P2RY12: variants seen among roughly 807,000 people sequenced by gnomAD.
P2RY12 encodes the protein purinergic receptor P2Y12.
P2RY12 carries 3 observed loss-of-function variants against 4.5 expected under a neutral mutation model. That is an observed-to-expected ratio of 0.67 (90% confidence interval 0.31 to 1.74). The LOEUF is 1.74. P2RY12 is among the 40% of genes most tolerant of loss of function. The pLI, the probability that P2RY12 is intolerant of heterozygous loss-of-function variation, is 0.09. For missense variants in P2RY12, 356 were observed against 407.8 expected (o/e 0.87, Z 1.09); for synonymous variants, 148 against 154.1 (o/e 0.96, Z 0.29).
At chr3:151,358,448 A>C (rs904545065) in intron 1 of P2RY12, among the ~76,000 whole-genome samples, 8 of 152,176 alleles carry the variant, frequency 5.3e-5, no homozygotes, top group Non-Finnish European at 1.0e-4. Flanking sequence ...GATTTTAATA[A>C]AAATCTTTCG....
At chr3:151,382,755 A>G (rs1712614135) in intron 1 of P2RY12, 22 of 1,598,032 alleles carry the variant, frequency 1.4e-5, no homozygotes, top group Non-Finnish European at 1.9e-5. Context: ...GGTAAGTGAC[A>G]TTTCTAGTAT....
chr3:151,362,993 T>G (rs1442616819), intron 1 of P2RY12, among the ~76,000 whole-genome samples: 2 of 152,166 alleles, frequency 1.3e-5, no homozygotes, highest in East Asian at 3.9e-4. Flanking sequence ...GTTTTTTTAA[T>G]AGTGAACTTC....
intron 1 of P2RY12, among the ~76,000 whole-genome samples, chr3:151,358,106 C>T (rs1276391541): frequency 6.6e-6 from 1 of 151,984 alleles, no homozygotes; most frequent in African/African-American, 2.4e-5. Context: ...TTTTATAGTA[C>T]CTTTTATTTT....
chr3:151,379,941 T>A (rs1157537265), intron 1 of P2RY12, among the ~76,000 whole-genome samples: 1 of 152,182 alleles, frequency 6.6e-6, no homozygotes, highest in African/African-American at 2.4e-5. Flanking sequence ...TTAGAAGCAT[T>A]ACAGTGGCTT....
intron 1 of P2RY12, chr3:151,360,384 A>G: frequency 8.4e-7 from 1 of 1,183,708 alleles, no homozygotes; most frequent in African/African-American, 1.5e-5. Flanking sequence ...TTCTTACCCA[A>G]GTGATACATA....
At chr3:151,357,139 G>A in intron 1 of P2RY12, 1 of 1,302,222 alleles carries the variant, frequency 7.7e-7, no homozygotes, top group Non-Finnish European at 1.0e-6. Context: ...GTATATCTAT[G>A]GTTTATAAAA....
intron 1 of P2RY12, among the ~76,000 whole-genome samples, chr3:151,375,811 T>C (rs1289121529): frequency 6.6e-6 from 1 of 152,122 alleles, no homozygotes; most frequent in Non-Finnish European, 1.5e-5. Context: ...CATTAAAAAA[T>C]GTTTTTAAGC....
At chr3:151,346,885 TA>T (rs1752613155) in intron 1 of P2RY12, among the ~76,000 whole-genome samples, 1 of 152,190 alleles carries the variant, frequency 6.6e-6, no homozygotes. Context: ...CAATTACATG[TA>T]AATTCAAAAG....
rs1213491299 is a variant in P2RY12, at chr3:151,338,800, G to C, written c.46C>G (p.Leu16Val). The C allele has an allele frequency of 2.5e-6, 4 of 1,613,908 alleles. No individual in the cohort carries two copies. Among genetic ancestry groups the C allele is most frequent in the East Asian group, 4.5e-5 (2 of 44,870 alleles). ...GTGATTTTGTAGTCTCTGGTGCACA[G>C]ACTGGTGTTACCAGGCGCAGAGGTG... Reference protein sequence around the residue: ...NLTSAPGNTSLCTRDYKITQV... With the variant: ...NLTSAPGNTSVCTRDYKITQV... The change falls in exon 3 of 3, where the codon CTG becomes GTG. Residue 16 changes from leucine to valine, a missense_variant. By Grantham distance (32) the Leu-to-Val change is conservative. Coordinates refer to ENST00000302632, the MANE Select transcript of P2RY12 (RefSeq NM_022788.5).
chr3:151,379,971 T>G, intron 1 of P2RY12: 2 of 540,586 alleles, frequency 3.7e-6, no homozygotes, highest in Non-Finnish European at 6.5e-6. Flanking sequence ...TAAGTAGAGG[T>G]ATGATTTAAA....
chr3:151,370,192 C>T (rs73157994), intron 1 of P2RY12, among the ~76,000 whole-genome samples: 18,599 of 152,156 alleles, frequency 0.12, 1,380 homozygotes, highest in Middle Eastern at 0.18. Flanking sequence ...TCTTCATTTA[C>T]AGGGTAATAC....
intron 1 of P2RY12, among the ~76,000 whole-genome samples, chr3:151,353,007 A>G (rs1328700836): frequency 1.3e-5 from 2 of 152,220 alleles, no homozygotes; most frequent in Non-Finnish European, 2.9e-5. Flanking sequence ...GAGAATCACC[A>G]CTGATTTCTT....
At chr3:151,355,082 T>G in intron 1 of P2RY12, 2 of 1,493,920 alleles carry the variant, frequency 1.3e-6, no homozygotes, top group Non-Finnish European at 1.9e-6. Context: ...AGAGCTTCTA[T>G]TAAATGGAAA....
In P2RY12 at chr3:151,367,703, C is replaced by T. The variant is rs1755452892; in HGVS notation, c.-180+16989G>A. 2 of 1,611,520 alleles carry T rather than the reference C, an allele frequency of 1.2e-6. No homozygotes were observed. Among genetic ancestry groups the T allele is most frequent in the Non-Finnish European group, 1.7e-6 (2 of 1,178,330 alleles). ...TACTTTCATTGCTATTCTGATAGCA[C>T]GACAGTGTTTTTCCCTGGAGGACGT... is the stretch of plus-strand genomic sequence containing the variant. On this transcript the variant is annotated intron_variant, in intron 1 of 2. Coordinates refer to ENST00000302632, the MANE Select transcript of P2RY12 (RefSeq NM_022788.5).
At chr3:151,374,233 T>G (rs575171480) in intron 1 of P2RY12, among the ~76,000 whole-genome samples, 7 of 152,244 alleles carry the variant, frequency 4.6e-5, no homozygotes, top group African/African-American at 1.7e-4. Flanking sequence ...AAAAAATGAT[T>G]AATTAAAATA....
intron 1 of P2RY12, among the ~76,000 whole-genome samples, chr3:151,352,062 G>A (rs543513314): frequency 6.6e-6 from 1 of 152,308 alleles, no homozygotes; most frequent in South Asian, 2.1e-4. Flanking sequence ...CATATATAAT[G>A]AGAAATCTTG....
rs751346386 is a variant in P2RY12, at chr3:151,338,785, A to C, written c.61T>G (p.Tyr21Asp). ...PGNTSLCTRD[Y>D]KITQVLFPLL... ...GGGAAGAGGACCTGGGTGATTTTGT[A>C]GTCTCTGGTGCACAGACTGGTGTTA... is the stretch of plus-strand genomic sequence containing the variant. Residue 21 changes from tyrosine to aspartate, a missense_variant, in exon 3 of 3, where the codon TAC becomes GAC. Coordinates refer to ENST00000302632, the MANE Select transcript of P2RY12 (RefSeq NM_022788.5). 1.2e-6 allele frequency: 2 copies of C among 1,613,954 alleles called. No individual in the cohort carries two copies. Among genetic ancestry groups the C allele is most frequent in the Admixed American group, 3.3e-5 (2 of 59,950 alleles).
chr3:151,366,864 TG>T (rs1472264409), intron 1 of P2RY12, among the ~76,000 whole-genome samples: 1 of 152,200 alleles, frequency 6.6e-6, no homozygotes, highest in African/African-American at 2.4e-5. Context: ...ATCTCTTAGT[TG>T]TTTTTTTAAA....
At chr3:151,365,000 G>C in intron 1 of P2RY12, 1 of 1,613,830 alleles carries the variant, frequency 6.2e-7, no homozygotes, top group South Asian at 1.1e-5. Context: ...CAAAAGTAAA[G>C]CAAACCATAT....
Sources: gnomAD v4.1 joint callset for allele counts (sites outside exome capture counted in the v4.1 genomes callset) on GRCh38, gnomAD v4.1.1 for gene constraint, MANE v1.5 for transcripts, NCBI Gene and HGNC (gene_info 2026-07-23, HGNC 2026-07-21) for gene names.